The following AGRN variants were observed in gnomAD, a reference collection of about 807,000 sequenced individuals.
AGRN encodes agrin.
A neutral mutation model predicts 211.0 loss-of-function variants in AGRN; 106 were observed. That is an observed-to-expected ratio of 0.50 (90% CI 0.43 to 0.59). The LOEUF (loss-of-function observed/expected upper bound fraction) is 0.59. Ranked by LOEUF, AGRN falls within the 20% of genes least tolerant of loss-of-function variation. AGRN has a pLI of 0.00. For synonymous variants in AGRN, 1,525 were observed against 1,332.5 expected (o/e 1.14, Z -3.15); for missense variants, 3,040 against 2,982.6 (o/e 1.02, Z -0.45).
chr1:1,031,376 G>T lies in AGRN; in HGVS notation c.464-3901G>T, dbSNP rs1169129824. ...CTTTCCTGCACATGAGCCTGCGTGGGCTGGTCAGGGCTGAATGATTTTGTC... is the reference window on the plus strand; with the variant it reads ...CTTTCCTGCACATGAGCCTGCGTGGTCTGGTCAGGGCTGAATGATTTTGTC... On this transcript the variant is annotated intron_variant, in intron 2 of 35. Transcript: ENST00000379370. The surrounding 1 kb of genome is among the most constrained non-coding windows in gnomAD (Gnocchi z 4.8). Among the ~76,000 whole-genome samples, 2 of 152,150 alleles carry T rather than the reference G, an allele frequency of 1.3e-5. No homozygotes were observed. Among genetic ancestry groups the T allele is most frequent in the Non-Finnish European group, 2.9e-5 (2 of 68,016 alleles).
In AGRN at chr1:1,030,437, C is replaced by T. The variant is rs551884148; in HGVS notation, c.464-4840C>T. Among the ~76,000 whole-genome samples the T allele has an allele frequency of 2.3e-3, 119 of 52,372 alleles. 4 individuals carry two copies. Among genetic ancestry groups the T allele is most frequent in the African/African-American group, 8.5e-3 (115 of 13,536 alleles). 34.4% of individuals were successfully genotyped at this position (52,372 alleles called of 152,430 possible). ...GATCAGCGTGTGTGTGTGTGCAGTG[C>T]ATGGTGCTGTGTGAGATCAGCATGT... is the stretch of plus-strand genomic sequence containing the variant. On this transcript the variant is annotated intron_variant, in intron 2 of 35. Coordinates refer to ENST00000379370, the MANE Select transcript of AGRN (RefSeq NM_198576.4).
chr1:1,036,182 C>T (rs1260125453), intron 3 of AGRN, among the ~76,000 whole-genome samples: 1 of 152,150 alleles, frequency 6.6e-6, no homozygotes, highest in Non-Finnish European at 1.5e-5. Flanking sequence ...CTGGGGAATC[C>T]TGAAGTGATC....
intron 3 of AGRN, among the ~76,000 whole-genome samples, chr1:1,040,096 C>T (rs551216207): frequency 2.1e-3 from 326 of 152,322 alleles, no homozygotes; most frequent in African/African-American, 7.5e-3. Flanking sequence ...CGGTGGGGCT[C>T]TCAGGCCCCT....
At chr1:1,053,416 C>A (rs547041297) in intron 33 of AGRN, 1 of 1,371,272 alleles carries the variant, frequency 7.3e-7, no homozygotes. Context: ...GCATTGGCCC[C>A]GCCTGTCCCC....
intron 2 of AGRN, among the ~76,000 whole-genome samples, chr1:1,023,757 G>C (rs568781463): frequency 1.3e-5 from 2 of 152,296 alleles, no homozygotes; most frequent in South Asian, 4.1e-4. Flanking sequence ...CCGGCTGAAC[G>C]AGGCTCTGCA....
rs1238159340 is a variant in AGRN, at chr1:1,055,094, C to A, written c.*113C>A. On this transcript the variant is annotated 3_prime_UTR_variant, in exon 36 of 36. Coordinates refer to ENST00000379370, the MANE Select transcript of AGRN (RefSeq NM_198576.4). ...TGGCCGGAGGGACTGCTGGCCCGGC[C>A]TCCCTTCCGTCCAGGCAGCCGTGCT... The A allele has an allele frequency of 1.3e-6, 2 of 1,482,964 alleles. No homozygotes were observed. The highest frequency in any genetic ancestry group is 2.0e-5 in the Admixed American group (1 of 50,726). 91.9% of individuals were successfully genotyped at this position (1,482,964 alleles called of 1,614,324 possible).
chr1:1,048,548 A>C lies in AGRN; in HGVS notation c.4105+183A>C. ...CACTTTGGGAGGCCGAGGCAGGCGG[A>C]TCACCTGAGGTCGGGAGTTCGAGAC... On this transcript the variant is annotated intron_variant, in intron 23 of 35. Coordinates refer to ENST00000379370, the MANE Select transcript of AGRN (RefSeq NM_198576.4). This position sits in a 1 kb window ranked among gnomAD's most constrained non-coding sequence, Gnocchi z 5.9. 1.6e-6 allele frequency: 1 copy of C among 612,504 alleles called. No homozygotes were observed. Among genetic ancestry groups the C allele is most frequent in the East Asian group, 2.9e-5 (1 of 34,500 alleles). 37.9% of individuals were successfully genotyped at this position (612,504 alleles called of 1,614,324 possible).
intron 2 of AGRN, among the ~76,000 whole-genome samples, chr1:1,033,666 CCCAGCTT>C (rs1644726795): frequency 7.4e-6 from 1 of 135,676 alleles, no homozygotes; most frequent in Non-Finnish European, 1.6e-5. Flanking sequence ...CACCCCCGGC[CCCAGCTT>C]CAGCCTCAGC....
In AGRN at chr1:1,049,993, A is replaced by C; in HGVS notation, c.4835A>C (p.Gln1612Pro). 1 of 1,553,586 alleles carries C rather than the reference A, an allele frequency of 6.4e-7. No homozygotes were observed. Among genetic ancestry groups the C allele is most frequent in the Non-Finnish European group, 8.7e-7 (1 of 1,144,926 alleles). ...PCRVLPEGGAQCECPLGREGT... is the reference protein window; with the variant it reads ...PCRVLPEGGAPCECPLGREGT... ...CGTGTGCTGCCCGAGGGTGGTGCTC[A>C]GTGCGAGTGCCCCCTGGGGCGTGAG... The change falls in exon 27 of 36, where the codon CAG becomes CCG. Residue 1612 changes from glutamine to proline, a missense_variant. Physicochemically the swap from Gln to Pro is moderately conservative, Grantham distance 76 (BLOSUM62 -1). This residue lies in a region of AGRN where 1,537 missense variants were observed against 1,505.0 expected (regional missense o/e 1.02). Coordinates refer to ENST00000379370, the MANE Select transcript of AGRN (RefSeq NM_198576.4).
chr1:1,050,702 A>T (rs1223795109), intron 29 of AGRN, 24 bp from the exon 30 acceptor site: 1 of 1,599,706 alleles, frequency 6.3e-7, no homozygotes, highest in East Asian at 2.2e-5. Context: ...GACAGAGCCC[A>T]CTCACGCTGC....
chr1:1,041,471 C>T lies in AGRN; in HGVS notation c.953-7C>T, dbSNP rs756228265. On this transcript the variant is annotated splice_polypyrimidine_tract_variant and splice_region_variant and intron_variant, in intron 5 of 35. Transcript: ENST00000379370. The stretch of plus-strand genomic sequence containing the variant: ...ACAGCGTCCTGACTCCTGCCCTCGA[C>T]CCCCAGACCCCTGTCAGGGCGCCCT... The T allele has an allele frequency of 2.0e-5, 32 of 1,588,392 alleles. No homozygotes were observed. The East Asian group carries it at 5.4e-4, about 27-fold the overall frequency.
rs779271198 is a variant in AGRN, at chr1:1,040,714, G to A, written c.561G>A (p.Ala187=). The A allele has an allele frequency of 4.5e-6, 7 of 1,546,972 alleles. No homozygotes were observed. Among genetic ancestry groups the A allele is most frequent in the Non-Finnish European group, 6.1e-6 (7 of 1,147,048 alleles). ...CGFGAVCEPN[A]EGPGRASCVC... is the part of the protein sequence containing the mutation. ...TCGGCGCCGTGTGCGAGCCCAACGC[G>A]GAGGGGCCGGGCCGGGCGTCCTGCG... Residue 187 remains alanine, a synonymous_variant, in exon 4 of 36, where the codon GCG becomes GCA. Coordinates refer to ENST00000379370, the MANE Select transcript of AGRN (RefSeq NM_198576.4).
intron 3 of AGRN, among the ~76,000 whole-genome samples, chr1:1,038,545 G>A (rs1448928231): frequency 2.6e-5 from 4 of 152,244 alleles, no homozygotes; most frequent in Non-Finnish European, 2.9e-5. Flanking sequence ...AGGGAGCTGC[G>A]GGTCCTGGTG....
intron 2 of AGRN, among the ~76,000 whole-genome samples, chr1:1,033,010 G>C (rs2100599586): frequency 6.6e-6 from 1 of 152,160 alleles, no homozygotes; most frequent in South Asian, 2.1e-4. Flanking sequence ...GGGGACGCCG[G>C]ACTACGCGTC....
chr1:1,034,663 C>T (rs909457836), intron 2 of AGRN: 3 of 988,848 alleles, frequency 3.0e-6, no homozygotes, highest in Middle Eastern at 5.2e-4. Context: ...TGCTGGCCAC[C>T]GCCACGCTCG....
At position 1,048,785 on chromosome 1, in the gene AGRN, A is replaced by C. The variant is rs1645177797; in HGVS notation, c.4106-82A>C. ...TCCGTCTCAAAAAAAAAAAAAAAAA[A>C]AAAAGCAGGGGGCGGTTTCAGGGAT... On this transcript the variant is annotated intron_variant, in intron 23 of 35. Coordinates refer to ENST00000379370, the MANE Select transcript of AGRN (RefSeq NM_198576.4). This position sits in a 1 kb window ranked among gnomAD's most constrained non-coding sequence, Gnocchi z 5.9. The C allele has an allele frequency of 7.7e-7, 1 of 1,291,246 alleles. No individual in the cohort carries two copies. Among genetic ancestry groups the C allele is most frequent in the Non-Finnish European group, 1.0e-6 (1 of 993,992 alleles). 80.0% of individuals were successfully genotyped at this position (1,291,246 alleles called of 1,614,324 possible).
chr1:1,024,471 C>T (rs1644476150), intron 2 of AGRN, among the ~76,000 whole-genome samples: 1 of 152,106 alleles, frequency 6.6e-6, no homozygotes, highest in Non-Finnish European at 1.5e-5. Flanking sequence ...CCGACCCCAC[C>T]TCCCAGGGCA....
chr1:1,049,521 G>T, intron 25 of AGRN, 45 bp from the exon 26 acceptor site: 1 of 1,593,702 alleles, frequency 6.3e-7, no homozygotes. Flanking sequence ...AGGTGGCTTT[G>T]CCTGTGGCCC....
chr1:1,053,635 C>T (rs1645371188), intron 33 of AGRN, 118 bp from the exon 34 acceptor site: 3 of 1,487,914 alleles, frequency 2.0e-6, no homozygotes, highest in South Asian at 1.2e-5. Context: ...CACCAGCCAC[C>T]CCTGGGTCCC....
Sources: gnomAD v4.1 joint callset for allele counts (sites outside exome capture counted in the v4.1 genomes callset) on GRCh38, gnomAD v4.1.1 for gene constraint, gnomAD v4.1.1 regional missense constraint, Gnocchi (gnomAD v3.1) non-coding constraint, MANE v1.5 for transcripts, NCBI Gene and HGNC (gene_info 2026-07-23, HGNC 2026-07-21) for gene names.